Variants in EPM2A observed in about 807,000 individuals in gnomAD.
The protein encoded by EPM2A is laforin.
A neutral mutation model predicts 26.5 loss-of-function variants in EPM2A; 21 were observed. That is an observed-to-expected ratio of 0.79 (90% CI 0.56 to 1.14). The LOEUF (loss-of-function observed/expected upper bound fraction) is 1.14. Ranked by LOEUF, EPM2A falls within the 50% of genes most tolerant of loss-of-function variation. The pLI, the probability that EPM2A is intolerant of heterozygous loss-of-function variation, is 0.00. For synonymous variants in EPM2A, 217 were observed against 177.6 expected, an observed-to-expected ratio of 1.22 and a Z score of -1.76; for missense variants, 458 against 440.8, an observed-to-expected ratio of 1.04 and a Z score of -0.35.
At chr6:145,676,638 A>G (rs1780064702) in intron 2 of EPM2A, among the ~76,000 whole-genome samples, 1 of 152,232 alleles carries the variant, frequency 6.6e-6, no homozygotes, top group Non-Finnish European at 1.5e-5. Flanking sequence ...CCATCAGAGA[A>G]TACTATAAAC....
At chr6:145,673,029 T>C (rs988065842) in intron 2 of EPM2A, among the ~76,000 whole-genome samples, 4 of 151,994 alleles carry the variant, frequency 2.6e-5, no homozygotes, top group African/African-American at 9.7e-5. Context: ...GAGGAAATCC[T>C]CTAATGTGAG....
chr6:145,502,301 C>G (rs1415091604), intron 3 of EPM2A, among the ~76,000 whole-genome samples: 1 of 152,232 alleles, frequency 6.6e-6, no homozygotes, highest in Non-Finnish European at 1.5e-5. Flanking sequence ...AGCTTTTTGA[C>G]TCCCTCCCAT....
At chr6:145,480,870 C>T (rs1425338314) in intron 4 of EPM2A, among the ~76,000 whole-genome samples, 1 of 152,130 alleles carries the variant, frequency 6.6e-6, no homozygotes, top group Non-Finnish European at 1.5e-5. Context: ...AACTCTTCTT[C>T]ATGGCAGCTT....
chr6:145,448,315 T>A (rs868109498), intron 4 of EPM2A, among the ~76,000 whole-genome samples: 15 of 152,198 alleles, frequency 9.9e-5, no homozygotes, highest in South Asian at 2.1e-4. Context: ...TTACCCAAAC[T>A]TATAGGAAAC....
At chr6:145,708,723 T>G (rs1403177059) in intron 1 of EPM2A, among the ~76,000 whole-genome samples, 1 of 152,138 alleles carries the variant, frequency 6.6e-6, no homozygotes, top group Non-Finnish European at 1.5e-5. Context: ...AAATGTGGGA[T>G]TGGAGCACCC....
At chr6:145,690,437 G>A (rs1189621243) in intron 1 of EPM2A, among the ~76,000 whole-genome samples, 1 of 150,392 alleles carries the variant, frequency 6.6e-6, no homozygotes, top group Non-Finnish European at 1.5e-5. Context: ...GTGAACCCGG[G>A]AAGCGGAGCT....
At chr6:145,412,199 A>G (rs1778653162) in intron 4 of EPM2A, among the ~76,000 whole-genome samples, 1 of 143,690 alleles carries the variant, frequency 7.0e-6, no homozygotes. Flanking sequence ...CCTGGGCGAC[A>G]CTGAGACTCT....
intron 2 of EPM2A, among the ~76,000 whole-genome samples, chr6:145,541,467 A>G (rs1780510696): frequency 6.6e-6 from 1 of 151,990 alleles, no homozygotes; most frequent in Admixed American, 6.6e-5. Context: ...CTCAAAGCAA[A>G]TTTGTATGTA....
intron 4 of EPM2A, among the ~76,000 whole-genome samples, chr6:145,491,472 T>A (rs1394148080): frequency 6.6e-6 from 1 of 152,150 alleles, no homozygotes; most frequent in Non-Finnish European, 1.5e-5. Context: ...AAGCCGTCCC[T>A]TTGAAGTCAA....
chr6:145,384,214 G>C (rs1255066366), intron 4 of EPM2A: 1 of 152,152 alleles, frequency 6.6e-6, no homozygotes, highest in African/African-American at 2.4e-5. Context: ...AGGGAAAATT[G>C]CAAGTCCCTA....
chr6:145,691,965 A>G (rs1391588515), intron 1 of EPM2A, among the ~76,000 whole-genome samples: 2 of 152,070 alleles, frequency 1.3e-5, no homozygotes, highest in Non-Finnish European at 2.9e-5. Flanking sequence ...AAGTGAATCA[A>G]TTATATGCTG....
At chr6:145,407,818 T>C (rs11155417) in intron 4 of EPM2A, among the ~76,000 whole-genome samples, 40,300 of 152,122 alleles carry the variant, frequency 0.26, 5,706 homozygotes, top group Non-Finnish European at 0.32. Flanking sequence ...AAGTTATAAA[T>C]AGATACACAA....
rs975363412 is a variant in EPM2A at position 145,409,460 on chromosome 6, C to T, written c.556-25363G>A. Among the ~76,000 whole-genome samples, 21 of 152,078 alleles carry T rather than the reference C, an allele frequency of 1.4e-4. 1 individual carries two copies. The highest frequency in any genetic ancestry group is 1.5e-5 in the Non-Finnish European group (1 of 68,014). ...CTTTTTCTAATTCCACACTCAGTAT[C>T]TAATTATGCTATGATGTTTAATAAT... is the stretch of plus-strand genomic sequence containing the variant. On this transcript the variant is annotated intron_variant, in intron 4 of 4. Coordinates refer to the EPM2A transcript ENST00000638717.
intron 2 of EPM2A, among the ~76,000 whole-genome samples, chr6:145,537,467 G>A (rs149417133): frequency 1.8e-4 from 27 of 151,942 alleles, no homozygotes; most frequent in Non-Finnish European, 3.4e-4. Context: ...ACTAGGAAAT[G>A]GCCTAGAAGT....
chr6:145,421,820 A>C (rs1778788015), intron 4 of EPM2A, among the ~76,000 whole-genome samples: 1 of 151,508 alleles, frequency 6.6e-6, no homozygotes, highest in Non-Finnish European at 1.5e-5. Context: ...GTCAAACTAC[A>C]GCTGAAAAAT....
At chr6:145,651,831 A>T (rs1335711581) in intron 2 of EPM2A, among the ~76,000 whole-genome samples, 8 of 152,096 alleles carry the variant, frequency 5.3e-5, no homozygotes. Context: ...ATAGTTTGGG[A>T]TTCTGTTATT....
intron 1 of EPM2A, chr6:145,705,834 C>T (rs1782192819): frequency 2.2e-6 from 1 of 456,028 alleles, no homozygotes; most frequent in Non-Finnish European, 4.4e-6. Flanking sequence ...GAACAATCTT[C>T]CCCTGGGGAG....
chr6:145,565,575 G>C (rs1780874195), intron 2 of EPM2A, among the ~76,000 whole-genome samples: 1 of 152,166 alleles, frequency 6.6e-6, no homozygotes, highest in Non-Finnish European at 1.5e-5. Context: ...AGTTGCCAGG[G>C]CCATGACCAA....
chr6:145,426,237 G>A (rs1035890324), intron 4 of EPM2A, among the ~76,000 whole-genome samples: 7 of 152,114 alleles, frequency 4.6e-5, no homozygotes, highest in African/African-American at 1.2e-4. Flanking sequence ...ATTACACGCT[G>A]TCCTTTCCAT....
Sources: allele counts gnomAD v4.1 joint callset (sites outside exome capture counted in the v4.1 genomes callset), GRCh38; gene constraint gnomAD v4.1.1; transcripts MANE v1.5; gene names NCBI Gene and HGNC (gene_info 2026-07-23, HGNC 2026-07-21).